Variants in COX10 observed in about 807,000 individuals in gnomAD.
COX10 encodes the protein protoheme IX farnesyltransferase, mitochondrial.
A neutral mutation model predicts 37.3 loss-of-function variants in COX10; 27 were observed. The ratio of observed to expected loss-of-function variants is 0.72; its 90% confidence interval spans 0.53 to 1.00. COX10 has a LOEUF of 1.00. Among genes scored for constraint, COX10 ranks in the 50% least tolerant of loss-of-function variants. The pLI is 0.00. For synonymous variants in COX10, 222 were observed against 229.1 expected (o/e 0.97, Z 0.28); for missense variants, 475 against 563.2 (o/e 0.84, Z 1.59).
intron 3 of COX10, among the ~76,000 whole-genome samples, chr17:14,086,128 CTT>C (rs1915404320): frequency 6.6e-6 from 1 of 151,938 alleles, no homozygotes; most frequent in Non-Finnish European, 1.5e-5. Flanking sequence ...TTGTTTGTGT[CTT>C]GTTTTCATTT....
intron 3 of COX10, among the ~76,000 whole-genome samples, chr17:14,083,666 T>A (rs1915349146): frequency 6.6e-6 from 1 of 152,240 alleles, no homozygotes; most frequent in Non-Finnish European, 1.5e-5. Context: ...TTGCTGGTGC[T>A]AATGCCATTT....
chr17:14,157,025 A>AT, intron 4 of COX10, among the ~76,000 whole-genome samples: 1 of 152,342 alleles, frequency 6.6e-6, no homozygotes, highest in Middle Eastern at 3.4e-3. Flanking sequence ...ACTAAGGCAA[A>AT]TGAGTGTAGC....
rs200472593 is a variant in COX10 at position 14,206,812 on chromosome 17, G to A, written c.931G>A (p.Ala311Thr). 33 of 1,614,112 alleles carry A rather than the reference G, an allele frequency of 2.0e-5. No individual in the cohort carries two copies. The East Asian group carries it at 4.7e-4, about 23-fold the overall frequency. Residue 311 changes from alanine to threonine, a missense_variant and splice_region_variant, in exon 7 of 7, where the codon GCA becomes ACA. Transcript: ENST00000261643. ...TAATGSLDAGAFLLGGILYSW... is the reference protein window; with the variant it reads ...TAATGSLDAGTFLLGGILYSW... ...CTCCTTCCCTGACCCCCGCACAGGCGCATTTCTCCTGGGAGGAATCCTCTA... is the reference window on the plus strand; with the variant it reads ...CTCCTTCCCTGACCCCCGCACAGGCACATTTCTCCTGGGAGGAATCCTCTA...
At chr17:14,095,418 G>T (rs191061157) in intron 3 of COX10, among the ~76,000 whole-genome samples, 1 of 152,006 alleles carries the variant, frequency 6.6e-6, no homozygotes, top group Non-Finnish European at 1.5e-5. Flanking sequence ...CCCACCTAGC[G>T]CCCTGCAGTA....
intron 3 of COX10, among the ~76,000 whole-genome samples, chr17:14,098,416 T>C (rs949862896): frequency 2.6e-5 from 4 of 152,096 alleles, no homozygotes; most frequent in African/African-American, 9.7e-5. Context: ...ACTGACGCAA[T>C]ATGTGAAGAG....
At chr17:14,127,101 G>C (rs988466448) in intron 4 of COX10, among the ~76,000 whole-genome samples, 1 of 152,086 alleles carries the variant, frequency 6.6e-6, no homozygotes, top group Non-Finnish European at 1.5e-5. Flanking sequence ...CCAAAACTGT[G>C]TTATAACTTT....
At chr17:14,099,567 TACTGG>T (rs2142198268) in intron 3 of COX10, among the ~76,000 whole-genome samples, 1 of 152,196 alleles carries the variant, frequency 6.6e-6, no homozygotes, top group South Asian at 2.1e-4. Flanking sequence ...CCCTCATGGT[TACTGG>T]ACACCCATGC....
At chr17:14,180,772 T>G (rs1905833361) in intron 5 of COX10, among the ~76,000 whole-genome samples, 1 of 152,218 alleles carries the variant, frequency 6.6e-6, no homozygotes, top group Non-Finnish European at 1.5e-5. Context: ...TCTCTTCACT[T>G]TGATTCCTCT....
At chr17:14,095,182 A>G (rs1374938997) in intron 3 of COX10, among the ~76,000 whole-genome samples, 1 of 152,224 alleles carries the variant, frequency 6.6e-6, no homozygotes, top group Non-Finnish European at 1.5e-5. Flanking sequence ...TGGAGAGACT[A>G]TACACTGAGA....
rs1391736836 is a variant in COX10, at chr17:14,206,949, G to C, written c.1068G>C (p.Val356=). 5.0e-6 allele frequency: 8 copies of C among 1,613,724 alleles called. No individual in the cohort carries two copies. The highest frequency in any genetic ancestry group is 5.9e-6 in the Non-Finnish European group (7 of 1,179,860). ...SVTHPGLCRR[V]ALRHCLALLV... The stretch of plus-strand genomic sequence containing the variant: ...CCCACCCGGGCCTGTGCCGGCGCGT[G>C]GCGCTGCGCCACTGCCTGGCCCTGC... The change falls in exon 7 of 7, where the codon GTG becomes GTC. Residue 356 remains valine (V), a synonymous_variant. Transcript: ENST00000261643.
Position 14,159,879 on chromosome 17 carries a change from T to G in COX10, c.627T>G (p.Phe209Leu). Reference protein sequence around the residue: ...ASCAANSINQFFEVPFDSNMN... With the variant: ...ASCAANSINQLFEVPFDSNMN... Reference sequence around the variant, plus strand: ...GTCTTTTTTCATTCTTTTTACAGTTTTTTGAGGTGCCATTTGACTCAAACA... The same window carrying G: ...GTCTTTTTTCATTCTTTTTACAGTTGTTTGAGGTGCCATTTGACTCAAACA... Residue 209 changes from phenylalanine (F) to leucine (L), a missense_variant and splice_region_variant, in exon 5 of 7, where the codon TTT becomes TTG. Coordinates refer to ENST00000261643, the MANE Select transcript of COX10 (RefSeq NM_001303.4). 1 of 1,610,136 alleles carries G rather than the reference T, an allele frequency of 6.2e-7. No homozygotes were observed. The highest frequency in any genetic ancestry group is 8.5e-7 in the Non-Finnish European group (1 of 1,178,210).
chr17:14,076,908 A>G lies in COX10; in HGVS notation c.351A>G (p.Glu117=). Residue 117 remains glutamate, a synonymous_variant, in exon 3 of 7, where the codon GAA becomes GAG. Transcript: ENST00000261643. ...TGTCCAGAAAGCCAAATGAAAAGGA[A>G]TTGATAGAACTAGAGCCAGACTCAG... ...LSLSRKPNEK[E]LIELEPDSVI... is the part of the protein sequence containing the mutation. The G allele has an allele frequency of 1.2e-6, 2 of 1,614,202 alleles. No homozygotes were observed. Among genetic ancestry groups the G allele is most frequent in the African/African-American group, 1.3e-5 (1 of 75,052 alleles).
chr17:14,077,096 T>C, intron 3 of COX10, 40 bp downstream of exon 3: 1 of 1,591,376 alleles, frequency 6.3e-7, no homozygotes, highest in Non-Finnish European at 8.6e-7. Context: ...TTTGAAACTC[T>C]ATCTTTAGTG....
intron 4 of COX10, among the ~76,000 whole-genome samples, chr17:14,140,289 A>C (rs1597517147): frequency 6.6e-6 from 1 of 152,290 alleles, no homozygotes; most frequent in Non-Finnish European, 1.5e-5. Flanking sequence ...GAAACAAATA[A>C]TAAACTGTAA....
At chr17:14,081,192 C>T (rs571786541) in intron 3 of COX10, among the ~76,000 whole-genome samples, 1 of 152,210 alleles carries the variant, frequency 6.6e-6, no homozygotes, top group East Asian at 1.9e-4. Context: ...TACTGTCTGG[C>T]GTTTACAGAA....
At chr17:14,174,927 C>G (rs529944105) in intron 5 of COX10, among the ~76,000 whole-genome samples, 3 of 148,920 alleles carry the variant, frequency 2.0e-5, no homozygotes, top group African/African-American at 7.4e-5. Context: ...GAACAAACCA[C>G]TGGTACGTGC....
chr17:14,099,263 T>C (rs1915720096), intron 3 of COX10, among the ~76,000 whole-genome samples: 1 of 152,148 alleles, frequency 6.6e-6, no homozygotes, highest in Non-Finnish European at 1.5e-5. Context: ...ATACTTGTGC[T>C]CTAGGTACTT....
At chr17:14,159,752 G>A (rs1905133550) in intron 4 of COX10, 125 bp from the exon 5 acceptor site, 10 of 703,918 alleles carry the variant, frequency 1.4e-5, no homozygotes, top group Non-Finnish European at 2.4e-5. Flanking sequence ...AGAAGTGCCA[G>A]GGTATTGATT....
intron 3 of COX10, among the ~76,000 whole-genome samples, chr17:14,086,681 T>G (rs1231678122): frequency 6.6e-6 from 1 of 152,168 alleles, no homozygotes; most frequent in African/African-American, 2.4e-5. Flanking sequence ...ATGATTAAGT[T>G]TATCTCCTTT....
Sources: allele counts gnomAD v4.1 joint callset (sites outside exome capture counted in the v4.1 genomes callset), GRCh38; gene constraint gnomAD v4.1.1; transcripts MANE v1.5; gene names NCBI Gene and HGNC (gene_info 2026-07-23, HGNC 2026-07-21).